Variants in TTC27 observed in about 807,000 individuals in gnomAD.
The protein encoded by TTC27 is tetratricopeptide repeat domain 27.
Under a neutral mutation model 115.9 loss-of-function variants are expected in TTC27, and 79 were observed. The observed-to-expected ratio is 0.68, with a 90% confidence interval of 0.57 to 0.82. TTC27 has a LOEUF of 0.82. Ranked by LOEUF, TTC27 falls within the 40% of genes least tolerant of loss-of-function variation. The probability of loss-of-function intolerance (pLI) is 0.00; values close to 1 mark genes in which losing one functional copy is unlikely to be tolerated. For missense variants in TTC27, 1,054 were observed against 993.1 expected, an observed-to-expected ratio of 1.06 and a Z score of -0.82; for synonymous variants, 401 against 356.0, an observed-to-expected ratio of 1.13 and a Z score of -1.42.
chr2:32,640,441 TG>T, intron 4 of TTC27, 31 bp downstream of exon 4: 1 of 1,603,998 alleles, frequency 6.2e-7, no homozygotes, highest in South Asian at 1.1e-5. Context: ...ATTCATACCC[TG>T]GTATGACTTT....
At chr2:32,663,372 A>C (rs746490581) in intron 5 of TTC27, among the ~76,000 whole-genome samples, 1 of 152,152 alleles carries the variant, frequency 6.6e-6, no homozygotes, top group Non-Finnish European at 1.5e-5. Flanking sequence ...CTGGGTCAGA[A>C]TGCACCATTT....
rs182363146 is a variant in TTC27, at chr2:32,659,105, C to T, written c.641-5198C>T. On this transcript the variant is annotated intron_variant, in intron 5 of 19. Transcript: ENST00000317907. ...TCAGCCTCCTGAGTACCTGGAATTA[C>T]AGGCATGCTCCACCATGCCTGACTA... Among the ~76,000 whole-genome samples, 462 of 152,230 alleles carry T rather than the reference C, an allele frequency of 3.0e-3. 4 individuals are homozygous for T. Among genetic ancestry groups the T allele is most frequent in the Non-Finnish European group, 5.2e-3 (354 of 68,018 alleles).
intron 13 of TTC27, among the ~76,000 whole-genome samples, chr2:32,764,317 C>T (rs542046037): frequency 7.9e-5 from 12 of 151,916 alleles, no homozygotes; most frequent in East Asian, 7.8e-4. Flanking sequence ...GCAAGTCATG[C>T]GAATTTTTTG....
At chr2:32,677,349 A>C (rs1165322786) in intron 8 of TTC27, among the ~76,000 whole-genome samples, 1 of 151,524 alleles carries the variant, frequency 6.6e-6, no homozygotes, top group African/African-American at 2.4e-5. Flanking sequence ...TATGTATCTC[A>C]TTCTTGATAT....
In TTC27 at chr2:32,628,367, G is replaced by C. The variant is rs752747599; in HGVS notation, c.75G>C (p.Gly25=). Residue 25 remains glycine (G), a synonymous_variant, in exon 1 of 20, where the codon GGG becomes GGC. Transcript: ENST00000317907. ...EAERQQWKQE[G]VVGSESGSFL... is the part of the protein sequence containing the mutation. ...AGCGGCAGCAATGGAAACAGGAGGG[G>C]GTCGTCGGTTCAGGTGAGAGGCGCA... is the stretch of plus-strand genomic sequence containing the variant. The C allele has an allele frequency of 3.7e-6, 6 of 1,603,760 alleles. No homozygotes were observed. The South Asian group carries it at 6.8e-5, about 18-fold the overall frequency.
At chr2:32,800,274 G>A (rs535783845) in intron 16 of TTC27, among the ~76,000 whole-genome samples, 2 of 152,126 alleles carry the variant, frequency 1.3e-5, no homozygotes, top group African/African-American at 4.8e-5. Context: ...TGCAACCTCC[G>A]CCTCCCAGGT....
chr2:32,816,015 C>T (rs1021748175), intron 18 of TTC27, among the ~76,000 whole-genome samples: 1 of 152,102 alleles, frequency 6.6e-6, no homozygotes, highest in Admixed American at 6.5e-5. Flanking sequence ...TTAGTCTTTG[C>T]GTGCAAAAAG....
chr2:32,733,893 C>T lies in TTC27; in HGVS notation c.1299C>T (p.Cys433=). Residue 433 remains cysteine (C), a synonymous_variant, in exon 11 of 20, where the codon TGC becomes TGT. Transcript: ENST00000317907. ...SVLERLKIFY[C]CQVPPHWAIQ... ...TGGAACGCCTGAAGATTTTCTATTGCTGTCAAGTACCACCTCACTGGGCCA... is the reference window on the plus strand; with the variant it reads ...TGGAACGCCTGAAGATTTTCTATTGTTGTCAAGTACCACCTCACTGGGCCA... 1 of 1,612,014 alleles carries T rather than the reference C, an allele frequency of 6.2e-7. No homozygotes were observed. The highest frequency in any genetic ancestry group is 8.5e-7 in the Non-Finnish European group (1 of 1,178,904).
chr2:32,778,649 A>G (rs1330455846), intron 14 of TTC27, among the ~76,000 whole-genome samples: 1 of 152,190 alleles, frequency 6.6e-6, no homozygotes, highest in Non-Finnish European at 1.5e-5. Context: ...AGATTCATGC[A>G]TGGTTATAGC....
intron 9 of TTC27, among the ~76,000 whole-genome samples, chr2:32,684,193 C>A (rs181480629): frequency 1.3e-5 from 2 of 151,930 alleles, no homozygotes; most frequent in African/African-American, 4.8e-5. Flanking sequence ...TTTGTTCTTG[C>A]GATAGTTTAC....
At chr2:32,792,691 C>G (rs1308647746) in intron 16 of TTC27, among the ~76,000 whole-genome samples, 1 of 152,084 alleles carries the variant, frequency 6.6e-6, no homozygotes, top group Non-Finnish European at 1.5e-5. Context: ...TGGAGCCCTC[C>G]TGGTAGTTTT....
At chr2:32,690,270 G>A (rs1398443380) in intron 9 of TTC27, among the ~76,000 whole-genome samples, 1 of 152,098 alleles carries the variant, frequency 6.6e-6, no homozygotes, top group Non-Finnish European at 1.5e-5. Context: ...AATTTGCATA[G>A]CAGAGAAAGT....
At position 32,683,394 on chromosome 2, in the gene TTC27, G is replaced by A. The variant is rs577326045; in HGVS notation, c.1119+4472G>A. 2.0e-5 allele frequency among the ~76,000 whole-genome samples: 3 copies of A among 152,342 alleles called. No homozygotes were observed. In the South Asian group the frequency reaches 6.2e-4, roughly 32 times the overall value. On this transcript the variant is annotated intron_variant, in intron 9 of 19. Coordinates refer to ENST00000317907, the MANE Select transcript of TTC27 (RefSeq NM_017735.5). ...TATTTATTGAATAAATAAATGAATGGCTCTTGGTCCTGAATTTTGTTCCGT... is the reference window on the plus strand; with the variant it reads ...TATTTATTGAATAAATAAATGAATGACTCTTGGTCCTGAATTTTGTTCCGT...
At chr2:32,808,545 C>A (rs773484540) in intron 16 of TTC27, among the ~76,000 whole-genome samples, 2 of 152,236 alleles carry the variant, frequency 1.3e-5, no homozygotes, top group Non-Finnish European at 2.9e-5. Context: ...CTACCCCCCA[C>A]AACAGACAGA....
At chr2:32,682,658 T>A (rs1045445496) in intron 9 of TTC27, among the ~76,000 whole-genome samples, 2 of 145,486 alleles carry the variant, frequency 1.4e-5, no homozygotes, top group African/African-American at 5.0e-5. Context: ...AGAGCAAATA[T>A]AATAGAAGTC....
Position 32,630,644 on chromosome 2 carries a change from G to A in TTC27, c.210G>A (p.Leu70=), listed in dbSNP as rs1278420820. The part of the protein sequence containing the change: ...TTAEEKIDSY[L]EKQVVTFLDY... ...CTGAAGAAAAGATTGATAGCTACCT[G>A]GAGAAGCAGGTAGTAACATTCCTGG... The change falls in exon 2 of 20, where the codon CTG becomes CTA. Residue 70 remains leucine, a synonymous_variant. Coordinates refer to ENST00000317907, the MANE Select transcript of TTC27 (RefSeq NM_017735.5). 6.2e-7 allele frequency: 1 copy of A among 1,613,638 alleles called. No individual in the cohort carries two copies.
At chr2:32,722,604 A>G (rs140250131) in intron 10 of TTC27, among the ~76,000 whole-genome samples, 33 of 152,348 alleles carry the variant, frequency 2.2e-4, no homozygotes, top group Middle Eastern at 3.4e-3. Flanking sequence ...TTAGAAGTCC[A>G]TGCTTTTATC....
chr2:32,659,128 C>G (rs1301470606), intron 5 of TTC27, among the ~76,000 whole-genome samples: 1 of 152,088 alleles, frequency 6.6e-6, no homozygotes, highest in Non-Finnish European at 1.5e-5. Flanking sequence ...CCATGCCTGA[C>G]TAATATTTTT....
intron 17 of TTC27, among the ~76,000 whole-genome samples, 198 bp from the exon 18 acceptor site, chr2:32,812,306 A>G (rs1219324091): frequency 6.6e-6 from 1 of 152,158 alleles, no homozygotes; most frequent in Non-Finnish European, 1.5e-5. Flanking sequence ...AGGTACATCC[A>G]TTTGATTTCT....
Sources: gnomAD v4.1 joint callset for allele counts (sites outside exome capture counted in the v4.1 genomes callset) on GRCh38, gnomAD v4.1.1 for gene constraint, MANE v1.5 for transcripts, NCBI Gene and HGNC (gene_info 2026-07-23, HGNC 2026-07-21) for gene names.